Variants in BPNT2 observed in about 807,000 individuals in gnomAD.
BPNT2 encodes Golgi-resident adenosine 3',5'-bisphosphate 3'-phosphatase.
A neutral mutation model predicts 29.3 loss-of-function variants in BPNT2; 11 were observed. The observed-to-expected ratio is 0.38, with a 90% CI of 0.24 to 0.62. The LOEUF (loss-of-function observed/expected upper bound fraction) is 0.62, where lower values mean the gene tolerates loss of function less well. Among genes scored for constraint, BPNT2 ranks in the 20% least tolerant of loss-of-function variants. The probability of loss-of-function intolerance (pLI) is 0.62; values close to 1 mark genes in which losing one functional copy is unlikely to be tolerated. For synonymous variants in BPNT2, 195 were observed against 187.7 expected (o/e 1.04, Z -0.32); for missense variants, 459 against 473.4 (o/e 0.97, Z 0.28).
In BPNT2 at chr8:56,960,978, A is replaced by C. The variant is rs561877081; in HGVS notation, c.*2815T>G. 6.6e-6 allele frequency: 1 copy of C among 152,270 alleles called. No individual in the cohort carries two copies. Among genetic ancestry groups the C allele is most frequent in the Non-Finnish European group, 1.5e-5 (1 of 68,026 alleles). The allele number at this position is 152,270 out of a possible 1,614,324, so 9.4% of individuals were successfully genotyped here. ...AAAGAATTTGGGAGTGAGAGTTGTGAGGGAAGTATCCTGGCTAAGAAAGAA... is the reference window on the plus strand; with the variant it reads ...AAAGAATTTGGGAGTGAGAGTTGTGCGGGAAGTATCCTGGCTAAGAAAGAA... On this transcript the variant is annotated 3_prime_UTR_variant, in exon 5 of 5. Transcript: ENST00000262644.
At chr8:56,989,045 T>A (rs1806370122) in intron 1 of BPNT2, among the ~76,000 whole-genome samples, 1 of 152,178 alleles carries the variant, frequency 6.6e-6, no homozygotes, top group South Asian at 2.1e-4. Flanking sequence ...AAGCAACTAC[T>A]CTGAGTCCTT....
chr8:56,966,344 T>C lies in BPNT2; in HGVS notation c.655A>G (p.Met219Val), dbSNP rs747815279. 13 of 1,613,680 alleles carry C rather than the reference T, an allele frequency of 8.1e-6. No homozygotes were observed. Among genetic ancestry groups the C allele is most frequent in the South Asian group, 1.1e-5 (1 of 91,068 alleles). ...TTCACATTTGAACCACCATCTACCA[T>C]TGCCCAAGCTGAAAAGCAAATATAA... Reference protein sequence around the residue: ...KPFSEYTAWAMVDGGSNVKAR... With the variant: ...KPFSEYTAWAVVDGGSNVKAR... The change falls in exon 4 of 5, where the codon ATG becomes GTG. Residue 219 changes from methionine to valine, a missense_variant. Met to Val is a conservative substitution (Grantham distance 21, BLOSUM62 1). Coordinates refer to ENST00000262644, the MANE Select transcript of BPNT2 (RefSeq NM_017813.5).
chr8:56,972,444 C>A (rs970246806), intron 3 of BPNT2, among the ~76,000 whole-genome samples: 5 of 151,072 alleles, frequency 3.3e-5, no homozygotes, highest in Non-Finnish European at 7.4e-5. Flanking sequence ...AAAAAAAAAA[C>A]AAGAAAACTC....
Position 56,993,207 on chromosome 8 carries a change from TG to T in BPNT2, c.378del (p.Ser127AlafsTer29). ...CGCCCGTGGGCTCCCACCTGGACGC[TG>T]GGGAAGGCGGTCTTGAGCAGGTAGA... ...KMFYLLKTAF[P>X]SVQINTEEHV... On this transcript the variant is annotated frameshift_variant, in exon 1 of 5. Coordinates refer to ENST00000262644, the MANE Select transcript of BPNT2 (RefSeq NM_017813.5). LOFTEE classifies it high-confidence loss of function. 6.2e-7 allele frequency: 1 copy of T among 1,600,244 alleles called. No homozygotes were observed.
chr8:56,966,188 T>C lies in BPNT2; in HGVS notation c.808+3A>G, dbSNP rs906869681. The stretch of plus-strand genomic sequence containing the variant: ...CAGGGACCACACAGGAAGAGGAACA[T>C]ACCAGCACCACCAGCTGGGATAATT... On this transcript the variant is annotated splice_donor_region_variant and intron_variant, in intron 4 of 4. Coordinates refer to ENST00000262644, the MANE Select transcript of BPNT2 (RefSeq NM_017813.5). 3 of 1,613,962 alleles carry C rather than the reference T, an allele frequency of 1.9e-6. No individual in the cohort carries two copies. In the African/African-American group the frequency reaches 4.0e-5, roughly 22 times the overall value.
rs992765727 is a variant in BPNT2, at chr8:56,993,052, T to C, written c.387+147A>G. ...AACCTCACCCAGCTCCTCTGCTGTC[T>C]GTCTGACCTTGTGCACGTTAACTTC... On this transcript the variant is annotated intron_variant, in intron 1 of 4. Coordinates refer to ENST00000262644, the MANE Select transcript of BPNT2 (RefSeq NM_017813.5). 6.0e-6 allele frequency: 9 copies of C among 1,496,434 alleles called. No individual in the cohort carries two copies. In the East Asian group the frequency reaches 7.4e-5, roughly 12 times the overall value. 92.7% of individuals were successfully genotyped at this position (1,496,434 alleles called of 1,614,324 possible).
At chr8:56,970,174 A>G (rs1432514291) in intron 3 of BPNT2, among the ~76,000 whole-genome samples, 1 of 152,182 alleles carries the variant, frequency 6.6e-6, no homozygotes, top group Admixed American at 6.5e-5. Flanking sequence ...TAGTAGCAAA[A>G]AAATAAAAAT....
rs369507537 is a variant in BPNT2, at chr8:56,965,227, G to A, written c.808+964C>T. 3.9e-5 allele frequency among the ~76,000 whole-genome samples: 6 copies of A among 152,238 alleles called. No homozygotes were observed. The East Asian group carries it at 1.2e-3, about 29-fold the overall frequency. ...CCAGCTACTCGGGAGGCTGAGGCAC[G>A]AAAATCACCTGAGCCCAGGAGGCGG... On this transcript the variant is annotated intron_variant, in intron 4 of 4. Coordinates refer to ENST00000262644, the MANE Select transcript of BPNT2 (RefSeq NM_017813.5).
intron 2 of BPNT2, 96 bp downstream of exon 2, chr8:56,979,935 ACAAT>A: frequency 1.8e-6 from 2 of 1,104,482 alleles, no homozygotes; most frequent in Non-Finnish European, 1.4e-6. Flanking sequence ...TCTTTACTGA[ACAAT>A]CAGTGAGCCA....
intron 3 of BPNT2, among the ~76,000 whole-genome samples, chr8:56,972,085 CAAAAAAAAGAAA>C (rs756500220): frequency 3.4e-5 from 5 of 146,048 alleles, no homozygotes; most frequent in Non-Finnish European, 7.5e-5. Flanking sequence ...GACTCCGTCT[CAAAAAAAAGAAA>C]AAAAAAAAGA....
chr8:56,970,339 T>C (rs1806010042), intron 3 of BPNT2, among the ~76,000 whole-genome samples: 1 of 152,164 alleles, frequency 6.6e-6, no homozygotes, highest in Non-Finnish European at 1.5e-5. Flanking sequence ...CAATCAAGGA[T>C]TCAGATCTAA....
intron 1 of BPNT2, among the ~76,000 whole-genome samples, chr8:56,981,105 T>C (rs1027323483): frequency 6.6e-6 from 1 of 152,048 alleles, no homozygotes; most frequent in Non-Finnish European, 1.5e-5. Flanking sequence ...TGAATGCCAC[T>C]AGAACGCACC....
chr8:56,992,106 A>G (rs1013681039), intron 1 of BPNT2, among the ~76,000 whole-genome samples: 3 of 152,234 alleles, frequency 2.0e-5, no homozygotes, highest in Non-Finnish European at 4.4e-5. Flanking sequence ...CCAAAGCAAT[A>G]TTATGATAGA....
Position 56,993,424 on chromosome 8 carries a change from GGCCGCGGGCCCC to G in BPNT2, c.150_161del (p.Gly51_Ala54del). 1.3e-6 allele frequency: 2 copies of G among 1,509,604 alleles called. No homozygotes were observed. The highest frequency in any genetic ancestry group is 1.8e-6 in the Non-Finnish European group (2 of 1,137,586). The allele number at this position is 1,509,604 out of a possible 1,614,324, so 93.5% of individuals were successfully genotyped here. On this transcript the variant is annotated inframe_deletion, in exon 1 of 5. Coordinates refer to ENST00000262644, the MANE Select transcript of BPNT2 (RefSeq NM_017813.5). ...AGTCCACGGTGCCCCCATCGGCCGCGGCCGCGGGCCCCGCCGCGCCGCCGCCAGGCTCGCCGC... is the reference window on the plus strand; with the variant it reads ...AGTCCACGGTGCCCCCATCGGCCGCGGCCGCGCCGCCGCCAGGCTCGCCGC...
chr8:56,971,104 C>A (rs1806023398), intron 3 of BPNT2, among the ~76,000 whole-genome samples: 1 of 151,896 alleles, frequency 6.6e-6, no homozygotes, highest in Non-Finnish European at 1.5e-5. Flanking sequence ...CTTCATGTTA[C>A]ATAAACTCAA....
At chr8:56,973,256 C>A (rs1806067329) in intron 3 of BPNT2, among the ~76,000 whole-genome samples, 1 of 152,000 alleles carries the variant, frequency 6.6e-6, no homozygotes, top group African/African-American at 2.4e-5. Flanking sequence ...GATTTACTTG[C>A]CCCCAAACAC....
intron 1 of BPNT2, among the ~76,000 whole-genome samples, chr8:56,986,601 A>C (rs2129206465): frequency 6.6e-6 from 1 of 152,324 alleles, no homozygotes; most frequent in South Asian, 2.1e-4. Context: ...ATAAGTTGAA[A>C]ATATCTGAAG....
intron 1 of BPNT2, among the ~76,000 whole-genome samples, chr8:56,992,039 C>A (rs1399078729): frequency 6.6e-6 from 1 of 151,488 alleles, no homozygotes; most frequent in Non-Finnish European, 1.5e-5. Flanking sequence ...TTCCTTTCCA[C>A]TGGAAAAAGA....
intron 1 of BPNT2, among the ~76,000 whole-genome samples, chr8:56,980,790 C>T (rs891879142): frequency 6.9e-6 from 1 of 144,370 alleles, no homozygotes; most frequent in Non-Finnish European, 1.5e-5. Context: ...ATATTCTCTC[C>T]TTACCCCACA....
Sources: allele counts gnomAD v4.1 joint callset (sites outside exome capture counted in the v4.1 genomes callset), GRCh38; gene constraint gnomAD v4.1.1; transcripts MANE v1.5; gene names NCBI Gene and HGNC (gene_info 2026-07-23, HGNC 2026-07-21).